Variants in MCTP1 observed in about 807,000 individuals in gnomAD.
The protein encoded by MCTP1 is multiple C2 and transmembrane domain containing 1, also known as multiple C2 and transmembrane domain-containing protein 1.
A neutral mutation model predicts 120.6 loss-of-function variants in MCTP1; 69 were observed. That is an observed-to-expected ratio of 0.57 (90% CI 0.47 to 0.70). The LOEUF is 0.70. Among genes scored for constraint, MCTP1 ranks in the 30% least tolerant of loss-of-function variants. The pLI, the probability that MCTP1 is intolerant of heterozygous loss-of-function variation, is 0.00. For synonymous variants in MCTP1, 529 were observed against 493.1 expected, an observed-to-expected ratio of 1.07 and a Z score of -0.96; for missense variants, 1,203 against 1,248.8, an observed-to-expected ratio of 0.96 and a Z score of 0.55.
At position 95,197,689 on chromosome 5, in the gene MCTP1, T is replaced by C. The variant is rs78392984; in HGVS notation, c.720+86167A>G. Among the ~76,000 whole-genome samples, 433 of 152,244 alleles carry C rather than the reference T, an allele frequency of 2.8e-3. 1 individual carries two copies. The highest frequency in any genetic ancestry group is 9.6e-3 in the African/African-American group (397 of 41,548). ...CATACAAAGGAGAGATATATACATA[T>C]ATACATAAGTTTTTGTAGATATCTC... is the stretch of plus-strand genomic sequence containing the variant. On this transcript the variant is annotated intron_variant, in intron 1 of 22. Transcript: ENST00000515393.
chr5:95,062,187 C>T (rs1045113895), intron 1 of MCTP1, among the ~76,000 whole-genome samples: 1 of 152,172 alleles, frequency 6.6e-6, no homozygotes, highest in African/African-American at 2.4e-5. Context: ...TAATTCTTTA[C>T]AATAACTGAG....
intron 19 of MCTP1, among the ~76,000 whole-genome samples, chr5:94,755,576 C>A (rs1769607142): frequency 6.6e-6 from 1 of 152,198 alleles, no homozygotes; most frequent in East Asian, 1.9e-4. Context: ...CTTTAGTGCT[C>A]ATCTTCCATG....
At chr5:94,836,638 G>C (rs1789850420) in intron 17 of MCTP1, among the ~76,000 whole-genome samples, 1 of 152,184 alleles carries the variant, frequency 6.6e-6, no homozygotes, top group Non-Finnish European at 1.5e-5. Flanking sequence ...CTGAGCCTTT[G>C]TCTTGGGAAT....
At chr5:94,975,228 T>C (rs937168840) in intron 2 of MCTP1, among the ~76,000 whole-genome samples, 1 of 152,020 alleles carries the variant, frequency 6.6e-6, no homozygotes, top group Non-Finnish European at 1.5e-5. Context: ...TGAATGTTTA[T>C]ACCCCCGCAA....
At chr5:94,825,587 A>G (rs1029595358) in intron 17 of MCTP1, among the ~76,000 whole-genome samples, 2 of 152,050 alleles carry the variant, frequency 1.3e-5, no homozygotes, top group Non-Finnish European at 2.9e-5. Flanking sequence ...TCAAGTCCTG[A>G]ACATCCCTGT....
chr5:94,966,730 G>A (rs894893097), intron 2 of MCTP1, among the ~76,000 whole-genome samples: 1 of 152,016 alleles, frequency 6.6e-6, no homozygotes, highest in Non-Finnish European at 1.5e-5. Context: ...GGGAGACGGA[G>A]GTTGCAGTGA....
At chr5:95,045,033 C>G (rs1465580900) in intron 1 of MCTP1, among the ~76,000 whole-genome samples, 1 of 152,132 alleles carries the variant, frequency 6.6e-6, no homozygotes, top group South Asian at 2.1e-4. Context: ...TCACAAAGCC[C>G]TACACAATCT....
intron 1 of MCTP1, among the ~76,000 whole-genome samples, chr5:95,138,483 A>G (rs1245484008): frequency 6.6e-6 from 1 of 152,222 alleles, no homozygotes. Context: ...ATACACAAAG[A>G]ATCATCTGTT....
At chr5:94,798,856 C>G (rs1780608747) in intron 18 of MCTP1, among the ~76,000 whole-genome samples, 157 bp downstream of exon 18, 1 of 152,024 alleles carries the variant, frequency 6.6e-6, no homozygotes, top group Admixed American at 6.5e-5. Flanking sequence ...GTGTTAGGAC[C>G]AAAGAGTTGT....
chr5:94,908,704 A>T (rs1208478574), intron 10 of MCTP1, among the ~76,000 whole-genome samples: 1 of 151,992 alleles, frequency 6.6e-6, no homozygotes, highest in African/African-American at 2.4e-5. Context: ...AACTTTGTGA[A>T]AAATGTCATG....
chr5:95,012,098 G>A (rs964528457), intron 2 of MCTP1, among the ~76,000 whole-genome samples: 3 of 151,956 alleles, frequency 2.0e-5, no homozygotes, highest in Non-Finnish European at 4.4e-5. Flanking sequence ...CTGCTTCCAG[G>A]CCCTCTCAGC....
chr5:95,176,026 G>A (rs1054888744), intron 1 of MCTP1, among the ~76,000 whole-genome samples: 2 of 152,158 alleles, frequency 1.3e-5, no homozygotes, highest in African/African-American at 2.4e-5. Flanking sequence ...TCATGCCAGC[G>A]TTCTGAGTCT....
chr5:94,779,421 G>T (rs548977279), intron 18 of MCTP1, among the ~76,000 whole-genome samples: 1 of 152,072 alleles, frequency 6.6e-6, no homozygotes, highest in African/African-American at 2.4e-5. Context: ...ATATGCATAA[G>T]GTAAACCAAT....
At chr5:94,723,901 A>C (rs1761500216) in intron 19 of MCTP1, among the ~76,000 whole-genome samples, 1 of 152,138 alleles carries the variant, frequency 6.6e-6, no homozygotes, top group Non-Finnish European at 1.5e-5. Flanking sequence ...GGAAAGAGAA[A>C]GAAGGAAGAA....
At chr5:94,729,454 C>T (rs1762724313) in intron 19 of MCTP1, among the ~76,000 whole-genome samples, 1 of 152,136 alleles carries the variant, frequency 6.6e-6, no homozygotes, top group Non-Finnish European at 1.5e-5. Flanking sequence ...GTCCGTGAAA[C>T]CAGAGAGACA....
intron 2 of MCTP1, among the ~76,000 whole-genome samples, chr5:94,966,611 C>T (rs1257307403): frequency 2.6e-5 from 4 of 151,956 alleles, no homozygotes; most frequent in African/African-American, 9.7e-5. Context: ...CTGGCTAACA[C>T]GGTGAAACCC....
intron 19 of MCTP1, among the ~76,000 whole-genome samples, chr5:94,755,472 C>G (rs6871463): frequency 6.6e-6 from 1 of 152,194 alleles, no homozygotes; most frequent in African/African-American, 2.4e-5. Flanking sequence ...CCAGCTGCCT[C>G]TCATTTGCCT....
chr5:95,069,786 C>T (rs1751663148), intron 1 of MCTP1, among the ~76,000 whole-genome samples: 3 of 151,250 alleles, frequency 2.0e-5, no homozygotes, highest in Non-Finnish European at 1.5e-5. Flanking sequence ...GCAAGCTCTG[C>T]CTCCCGGGTT....
chr5:94,759,781 A>G (rs769298422), intron 19 of MCTP1, among the ~76,000 whole-genome samples: 1 of 151,990 alleles, frequency 6.6e-6, no homozygotes, highest in Non-Finnish European at 1.5e-5. Flanking sequence ...TTATTTTCAC[A>G]TAAGTGTTTT....
Sources: allele counts gnomAD v4.1 joint callset (sites outside exome capture counted in the v4.1 genomes callset), GRCh38; gene constraint gnomAD v4.1.1; transcripts MANE v1.5; gene names NCBI Gene and HGNC (gene_info 2026-07-23, HGNC 2026-07-21).